The following GRIA4 variants were observed in gnomAD, a reference collection of about 807,000 sequenced individuals.
GRIA4 encodes the protein glutamate ionotropic receptor AMPA type subunit 4.
In GRIA4, 34 loss-of-function variants were observed where a neutral mutation model predicts 104.0. The ratio of observed to expected loss-of-function variants is 0.33; its 90% CI spans 0.25 to 0.44. The LOEUF is 0.44. Among genes scored for constraint, GRIA4 ranks in the 20% least tolerant of loss-of-function variants. GRIA4 has a pLI of 1.00. For synonymous variants in GRIA4, 386 were observed against 381.9 expected, an observed-to-expected ratio of 1.01 and a Z score of -0.13; for missense variants, 750 against 1,096.5, an observed-to-expected ratio of 0.68 and a Z score of 4.46.
chr11:105,764,881 C>A (rs1327173537), intron 4 of GRIA4, among the ~76,000 whole-genome samples: 1 of 151,952 alleles, frequency 6.6e-6, no homozygotes, highest in Non-Finnish European at 1.5e-5. Context: ...ATTATTGTTT[C>A]TTGTCTAAAA....
intron 3 of GRIA4, among the ~76,000 whole-genome samples, chr11:105,717,333 AT>A (rs1460094267): frequency 6.6e-6 from 1 of 152,074 alleles, no homozygotes; most frequent in African/African-American, 2.4e-5. Context: ...GAAAAAAAAA[AT>A]CTTAATGGGA....
chr11:105,858,940 G>T (rs1010265659), intron 4 of GRIA4, among the ~76,000 whole-genome samples: 2 of 152,076 alleles, frequency 1.3e-5, no homozygotes, highest in African/African-American at 4.8e-5. Context: ...TTACAGTAGT[G>T]AATTTCCTGT....
intron 3 of GRIA4, among the ~76,000 whole-genome samples, chr11:105,641,102 A>G (rs943886771): frequency 5.3e-5 from 8 of 152,154 alleles, no homozygotes; most frequent in African/African-American, 1.9e-4. Context: ...AATATTTGTC[A>G]TAATTTTGAA....
At chr11:105,911,645 T>TCAGTAA (rs1947238977) in intron 10 of GRIA4, among the ~76,000 whole-genome samples, 1 of 150,904 alleles carries the variant, frequency 6.6e-6, no homozygotes. Context: ...GCATCACCAG[T>TCAGTAA]CAGTAATTTA....
intron 3 of GRIA4, among the ~76,000 whole-genome samples, chr11:105,719,661 C>T (rs954839013): frequency 4.6e-5 from 7 of 151,864 alleles, no homozygotes; most frequent in Non-Finnish European, 1.0e-4. Flanking sequence ...TGGGGCTTTT[C>T]TCCGTGAAGT....
At chr11:105,642,091 G>A (rs1951380083) in intron 3 of GRIA4, among the ~76,000 whole-genome samples, 1 of 151,740 alleles carries the variant, frequency 6.6e-6, no homozygotes. Context: ...ATTGCATTAG[G>A]GCCCACCCTA....
intron 3 of GRIA4, among the ~76,000 whole-genome samples, chr11:105,674,212 A>T (rs1952464602): frequency 6.6e-6 from 1 of 152,052 alleles, no homozygotes; most frequent in Admixed American, 6.6e-5. Flanking sequence ...AAATATGCAT[A>T]TATCTCATTT....
At chr11:105,949,341 C>G (rs780668672) in intron 14 of GRIA4, among the ~76,000 whole-genome samples, 10 of 152,102 alleles carry the variant, frequency 6.6e-5, no homozygotes, top group Non-Finnish European at 7.4e-5. Context: ...GAACACTATT[C>G]TTTTATTTTA....
intron 6 of GRIA4, among the ~76,000 whole-genome samples, chr11:105,888,346 G>C (rs1452226917): frequency 2.9e-5 from 4 of 138,592 alleles, no homozygotes; most frequent in Non-Finnish European, 4.6e-5. Flanking sequence ...TGCAGTGGCG[G>C]GATCTCGGCT....
chr11:105,854,096 A>T (rs939869301), intron 4 of GRIA4, among the ~76,000 whole-genome samples: 1 of 152,200 alleles, frequency 6.6e-6, no homozygotes, highest in African/African-American at 2.4e-5. Flanking sequence ...TTCTAGGCAC[A>T]GTGAACAAAA....
chr11:105,761,619 A>T (rs1940655121), intron 4 of GRIA4, among the ~76,000 whole-genome samples: 1 of 152,196 alleles, frequency 6.6e-6, no homozygotes, highest in Admixed American at 6.5e-5. Flanking sequence ...CATTGACAAC[A>T]TATAAATAAA....
intron 14 of GRIA4, among the ~76,000 whole-genome samples, chr11:105,948,595 G>GTTTTTTTTTTTTTTTTTTTTT (rs3060323): frequency 2.3e-5 from 2 of 87,868 alleles, no homozygotes; most frequent in Non-Finnish European, 4.2e-5. Context: ...TTTTCTTTTT[G>GTTTTTTTTTTTTTTTTTTTTT]TTTTTTTTTT....
intron 3 of GRIA4, among the ~76,000 whole-genome samples, chr11:105,681,652 T>G: frequency 6.6e-6 from 1 of 152,182 alleles, no homozygotes; most frequent in East Asian, 1.9e-4. Context: ...CATGACTTCA[T>G]ATGAAAAAAA....
chr11:105,747,329 A>C (rs1026468555), intron 3 of GRIA4, among the ~76,000 whole-genome samples: 3 of 152,180 alleles, frequency 2.0e-5, no homozygotes, highest in Non-Finnish European at 4.4e-5. Flanking sequence ...ATATGTTGAC[A>C]ATCCACTTTA....
intron 13 of GRIA4, among the ~76,000 whole-genome samples, chr11:105,929,700 C>T (rs554872473): frequency 6.6e-6 from 1 of 152,174 alleles, no homozygotes; most frequent in African/African-American, 2.4e-5. Context: ...GTCACTAGAA[C>T]ATCAGTCTTG....
At chr11:105,860,395 G>A (rs146835985) in intron 4 of GRIA4, among the ~76,000 whole-genome samples, 89 of 152,228 alleles carry the variant, frequency 5.8e-4, no homozygotes, top group African/African-American at 1.9e-3. Flanking sequence ...TCCAAGTGCG[G>A]TATACTCGTT....
intron 9 of GRIA4, among the ~76,000 whole-genome samples, chr11:105,908,316 C>A (rs1050466143): frequency 1.3e-5 from 2 of 152,172 alleles, no homozygotes; most frequent in Non-Finnish European, 2.9e-5. Context: ...CCACTTTTCA[C>A]TCACTTTTTG....
chr11:105,903,464 C>T lies in GRIA4; in HGVS notation c.886-350C>T, dbSNP rs146597550. Among the ~76,000 whole-genome samples, 11 of 152,280 alleles carry T rather than the reference C, an allele frequency of 7.2e-5. No homozygotes were observed. The East Asian group carries it at 2.1e-3, about 29-fold the overall frequency. On this transcript the variant is annotated intron_variant, in intron 7 of 16. Coordinates refer to ENST00000282499, the MANE Select transcript of GRIA4 (RefSeq NM_000829.4). ...CAGAAACCGACTACAAGGCAGATTA[C>T]AAAGCTGCATTAGCCTTTGATACAT...
At chr11:105,976,019 T>C (rs887593019) in intron 16 of GRIA4, among the ~76,000 whole-genome samples, 6 of 152,100 alleles carry the variant, frequency 3.9e-5, no homozygotes, top group Non-Finnish European at 7.4e-5. Flanking sequence ...AGTGGGATAA[T>C]ATCAAGGTGT....
Sources: gnomAD v4.1 joint callset for allele counts (sites outside exome capture counted in the v4.1 genomes callset) on GRCh38, gnomAD v4.1.1 for gene constraint, MANE v1.5 for transcripts, NCBI Gene and HGNC (gene_info 2026-07-23, HGNC 2026-07-21) for gene names.